TMEM132D: variants seen among roughly 807,000 people sequenced by gnomAD.
TMEM132D encodes transmembrane protein 132D.
In TMEM132D, 21 loss-of-function variants were observed where a neutral mutation model predicts 62.3. That is an observed-to-expected ratio of 0.34 (90% CI 0.24 to 0.49). The LOEUF (loss-of-function observed/expected upper bound fraction) is 0.49. TMEM132D is among the 20% of genes least tolerant of loss of function. The pLI is 0.99. For missense variants in TMEM132D, 1,346 were observed against 1,402.8 expected (o/e 0.96, Z 0.65); for synonymous variants, 621 against 575.6 (o/e 1.08, Z -1.13).
chr12:129,734,290 AC>A (rs1869348379), intron 1 of TMEM132D, among the ~76,000 whole-genome samples: 1 of 152,142 alleles, frequency 6.6e-6, no homozygotes, highest in Non-Finnish European at 1.5e-5. Flanking sequence ...GTCCAAAAGA[AC>A]CTTTTCCCTA....
At chr12:129,373,036 G>T (rs1870663645) in intron 3 of TMEM132D, among the ~76,000 whole-genome samples, 1 of 152,112 alleles carries the variant, frequency 6.6e-6, no homozygotes. Flanking sequence ...CCCACTTGTT[G>T]TTAGAGAGAC....
chr12:129,542,931 C>T (rs1175034080), intron 2 of TMEM132D, among the ~76,000 whole-genome samples: 1 of 151,878 alleles, frequency 6.6e-6, no homozygotes, highest in Non-Finnish European at 1.5e-5. Flanking sequence ...GGTTTGCAGC[C>T]TAGAGCAATA....
chr12:129,347,729 G>C (rs1869731446), intron 3 of TMEM132D, among the ~76,000 whole-genome samples: 1 of 152,138 alleles, frequency 6.6e-6, no homozygotes, highest in African/African-American at 2.4e-5. Context: ...TTAAACTAAA[G>C]AGCTTCTACA....
intron 3 of TMEM132D, among the ~76,000 whole-genome samples, chr12:129,442,059 C>G (rs911800148): frequency 1.3e-5 from 2 of 152,170 alleles, no homozygotes; most frequent in African/African-American, 4.8e-5. Flanking sequence ...GTGACAGATT[C>G]AATTGCACCC....
intron 1 of TMEM132D, among the ~76,000 whole-genome samples, chr12:129,842,581 A>G (rs144614393): frequency 0.012 from 1,874 of 151,272 alleles, 40 homozygotes; most frequent in African/African-American, 0.042. Context: ...CACTCCTCCC[A>G]CCTCAGACTC....
chr12:129,165,565 T>C (rs1360694028), intron 5 of TMEM132D, among the ~76,000 whole-genome samples: 1 of 152,188 alleles, frequency 6.6e-6, no homozygotes, highest in Non-Finnish European at 1.5e-5. Flanking sequence ...CTTGAGCCTG[T>C]CTCTACCCTG....
At chr12:129,558,384 A>G (rs1191213840) in intron 2 of TMEM132D, among the ~76,000 whole-genome samples, 2 of 152,216 alleles carry the variant, frequency 1.3e-5, no homozygotes, top group Admixed American at 6.5e-5. Context: ...GAAAAACTAA[A>G]GCAGCTTTAG....
At chr12:129,319,000 G>A (rs945006035) in intron 4 of TMEM132D, among the ~76,000 whole-genome samples, 4 of 152,090 alleles carry the variant, frequency 2.6e-5, no homozygotes, top group African/African-American at 2.4e-5. Context: ...GTCTCCAGGC[G>A]GAGGGTGAGA....
chr12:129,532,706 T>C (rs1175460819), intron 2 of TMEM132D, among the ~76,000 whole-genome samples: 1 of 152,074 alleles, frequency 6.6e-6, no homozygotes, highest in African/African-American at 2.4e-5. Context: ...GCTGGACACT[T>C]TGTTGTCTTC....
intron 3 of TMEM132D, among the ~76,000 whole-genome samples, chr12:129,364,030 C>T (rs1870330783): frequency 6.6e-6 from 1 of 152,210 alleles, no homozygotes; most frequent in South Asian, 2.1e-4. Context: ...AAACATCCAT[C>T]TATTAACCTT....
chr12:129,367,253 A>G (rs1382536804), intron 3 of TMEM132D, among the ~76,000 whole-genome samples: 3 of 140,744 alleles, frequency 2.1e-5, no homozygotes, highest in Non-Finnish European at 3.3e-5. Context: ...TTATTTGCAC[A>G]TTATCTGTCT....
At chr12:129,811,464 G>A (rs1872178526) in intron 1 of TMEM132D, among the ~76,000 whole-genome samples, 1 of 151,604 alleles carries the variant, frequency 6.6e-6, no homozygotes, top group Admixed American at 6.6e-5. Context: ...TCAAGCAAGA[G>A]GACTCTCCAA....
intron 4 of TMEM132D, among the ~76,000 whole-genome samples, chr12:129,284,317 C>T (rs898136959): frequency 1.3e-5 from 2 of 152,242 alleles, no homozygotes; most frequent in African/African-American, 4.8e-5. Flanking sequence ...TCTACATCAT[C>T]TGAAACAGAA....
At chr12:129,843,195 T>A (rs961629630) in intron 1 of TMEM132D, among the ~76,000 whole-genome samples, 1 of 152,152 alleles carries the variant, frequency 6.6e-6, no homozygotes, top group Non-Finnish European at 1.5e-5. Context: ...AAGGAGAATC[T>A]CCAGTGTGTC....
intron 3 of TMEM132D, among the ~76,000 whole-genome samples, chr12:129,397,869 A>G (rs1481514123): frequency 6.6e-6 from 1 of 152,192 alleles, no homozygotes; most frequent in Non-Finnish European, 1.5e-5. Flanking sequence ...AAAGCATTCA[A>G]GATACCAAAA....
intron 1 of TMEM132D, among the ~76,000 whole-genome samples, chr12:129,824,194 A>G (rs1872602343): frequency 6.6e-6 from 1 of 152,230 alleles, no homozygotes; most frequent in Non-Finnish European, 1.5e-5. Flanking sequence ...TTCATAAGGT[A>G]AAGTTTTGAA....
intron 1 of TMEM132D, among the ~76,000 whole-genome samples, chr12:129,896,870 A>G (rs1426043542): frequency 6.6e-6 from 1 of 152,168 alleles, no homozygotes; most frequent in Non-Finnish European, 1.5e-5. Context: ...TTTCAAAGGC[A>G]TGTTTTTTAC....
At chr12:129,403,403 C>A (rs1009937765) in intron 3 of TMEM132D, among the ~76,000 whole-genome samples, 1 of 151,496 alleles carries the variant, frequency 6.6e-6, no homozygotes, top group Non-Finnish European at 1.5e-5. Context: ...ACTAAACTTG[C>A]AACACAGATG....
chr12:129,642,512 A>G (rs1879665478), intron 2 of TMEM132D, among the ~76,000 whole-genome samples: 1 of 152,106 alleles, frequency 6.6e-6, no homozygotes, highest in African/African-American at 2.4e-5. Flanking sequence ...TCTTCCTTCC[A>G]TCCACACTCA....
Sources: gnomAD v4.1 joint callset for allele counts (sites outside exome capture counted in the v4.1 genomes callset) on GRCh38, gnomAD v4.1.1 for gene constraint, MANE v1.5 for transcripts, NCBI Gene and HGNC (gene_info 2026-07-23, HGNC 2026-07-21) for gene names.